Variants in EMILIN2 observed in about 807,000 individuals in gnomAD.
The protein encoded by EMILIN2 is EMILIN-2.
Under a neutral mutation model 87.1 loss-of-function variants are expected in EMILIN2, and 71 were observed. The observed-to-expected ratio is 0.82, with a 90% confidence interval of 0.67 to 0.99. The LOEUF is 0.99. Ranked by LOEUF, EMILIN2 falls within the 50% of genes least tolerant of loss-of-function variation. EMILIN2 has a pLI of 0.00. For synonymous variants in EMILIN2, 581 were observed against 563.4 expected, an observed-to-expected ratio of 1.03 and a Z score of -0.44; for missense variants, 1,407 against 1,371.8, an observed-to-expected ratio of 1.03 and a Z score of -0.40.
intron 4 of EMILIN2, among the ~76,000 whole-genome samples, chr18:2,903,229 G>A (rs892378516): frequency 6.6e-6 from 1 of 152,142 alleles, no homozygotes; most frequent in Non-Finnish European, 1.5e-5. Context: ...AGGCAGGCCA[G>A]CTTCTGAGCC....
intron 2 of EMILIN2, among the ~76,000 whole-genome samples, chr18:2,867,702 T>G (rs1032590212): frequency 1.3e-5 from 2 of 152,366 alleles, no homozygotes; most frequent in Middle Eastern, 3.4e-3. Flanking sequence ...CAAGGCAGAA[T>G]AACTTTTCTT....
intron 2 of EMILIN2, among the ~76,000 whole-genome samples, chr18:2,865,705 T>C (rs641622): frequency 0.7 from 106,728 of 152,066 alleles, 38,435 homozygotes; most frequent in African/African-American, 0.86. Context: ...TCTCCAGCTG[T>C]GTGCTGGGAG....
At position 2,906,991 on chromosome 18, in the gene EMILIN2, C is replaced by A. The variant is rs1411204078; in HGVS notation, c.2568C>A (p.Gly856=). The change falls in exon 5 of 8, where the codon GGC becomes GGA. Residue 856 remains glycine, a synonymous_variant. Coordinates refer to ENST00000254528, the MANE Select transcript of EMILIN2 (RefSeq NM_032048.3). ...AETGQAGPPA[G]AGVSGRGLPR... ...CGGGCCAGGCCGGGCCCCCCGCAGG[C>A]GCAGGCGTGTCTGGGCGGGGTCTGC... is the stretch of plus-strand genomic sequence containing the variant. 2 of 1,375,750 alleles carry A rather than the reference C, an allele frequency of 1.5e-6. No individual in the cohort carries two copies. Among genetic ancestry groups the A allele is most frequent in the Middle Eastern group, 2.7e-4 (1 of 3,734 alleles). The allele number at this position is 1,375,750 out of a possible 1,614,324, so 85.2% of individuals were successfully genotyped here. A position where few individuals can be genotyped will look rare whatever the true frequency, so the allele number is the denominator to read the frequency against.
At chr18:2,850,093 A>ATTTT (rs71366611) in intron 2 of EMILIN2, among the ~76,000 whole-genome samples, 2 of 122,538 alleles carry the variant, frequency 1.6e-5, no homozygotes, top group East Asian at 2.3e-4. Flanking sequence ...TGCCCAGCTA[A>ATTTT]TTTTTTTTTT....
chr18:2,862,240 C>G (rs585808), intron 2 of EMILIN2, among the ~76,000 whole-genome samples: 105,902 of 151,748 alleles, frequency 0.7, 37,905 homozygotes, highest in African/African-American at 0.85. Context: ...TCTCCTGCCT[C>G]ATTGCCCTGG....
At position 2,891,927 on chromosome 18, in the gene EMILIN2, C is replaced by T. The variant is rs1598499983; in HGVS notation, c.1800C>T (p.Thr600=). ...GGAAGTTTCAAGAAACCGAACAAAC[C>T]ATCCAGAAACTTCAACAGGATTTTA... The part of the protein sequence containing the change: ...MHRKFQETEQ[T]IQKLQQDFSF... The change falls in exon 4 of 8, where the codon ACC becomes ACT. Residue 600 remains threonine, a synonymous_variant. Transcript: ENST00000254528. The surrounding 1 kb of genome is among the most constrained non-coding windows in gnomAD (Gnocchi z 4.6). 6.2e-7 allele frequency: 1 copy of T among 1,614,212 alleles called. No homozygotes were observed. Among genetic ancestry groups the T allele is most frequent in the Non-Finnish European group, 8.5e-7 (1 of 1,180,042 alleles).
At chr18:2,856,522 C>G (rs2076628047) in intron 2 of EMILIN2, among the ~76,000 whole-genome samples, 1 of 152,192 alleles carries the variant, frequency 6.6e-6, no homozygotes, top group African/African-American at 2.4e-5. Context: ...AAAAAATCCT[C>G]TTCCTCGTGT....
Position 2,891,736 on chromosome 18 carries a change from A to G in EMILIN2, c.1609A>G (p.Met537Val). The G allele has an allele frequency of 6.2e-7, 1 of 1,614,168 alleles. No homozygotes were observed. Among genetic ancestry groups the G allele is most frequent in the South Asian group, 1.1e-5 (1 of 91,086 alleles). Residue 537 changes from methionine to valine, a missense_variant, in exon 4 of 8, where the codon ATG becomes GTG. Coordinates refer to ENST00000254528, the MANE Select transcript of EMILIN2 (RefSeq NM_032048.3). The surrounding 1 kb of genome is among the most constrained non-coding windows in gnomAD (Gnocchi z 4.6). ...VSGSGDERVM[M>V]ELNHLKDKVQ... ...AGGGTCAGGAGATGAACGGGTCATG[A>G]TGGAATTAAACCACCTGAAGGACAA...
Position 2,884,973 on chromosome 18 carries a change from G to A in EMILIN2, c.267G>A (p.Val89=). 2 of 1,599,410 alleles carry A rather than the reference G, an allele frequency of 1.3e-6. No individual in the cohort carries two copies. The highest frequency in any genetic ancestry group is 1.7e-6 in the Non-Finnish European group (2 of 1,172,364). ...TCCCTTCTGTCCACAGGTATCGAGT[G>A]AACTTCAGACCTAGATATGTCACTA... ...MPCPSALVYR[V]NFRPRYVTRY... The change falls in exon 3 of 8, where the codon GTG becomes GTA. Residue 89 remains valine (V), a synonymous_variant. Coordinates refer to ENST00000254528, the MANE Select transcript of EMILIN2 (RefSeq NM_032048.3).
intron 6 of EMILIN2, among the ~76,000 whole-genome samples, chr18:2,909,446 C>A (rs553004300): frequency 9.8e-5 from 15 of 152,362 alleles, no homozygotes; most frequent in African/African-American, 3.4e-4. Flanking sequence ...CTTACATGCC[C>A]AGCCTCACAC....
chr18:2,870,790 C>T (rs2076715496), intron 2 of EMILIN2, among the ~76,000 whole-genome samples: 1 of 152,214 alleles, frequency 6.6e-6, no homozygotes, highest in Non-Finnish European at 1.5e-5. Context: ...TAGATCAAGA[C>T]ATCAGCAGGG....
intron 2 of EMILIN2, among the ~76,000 whole-genome samples, chr18:2,853,741 T>G (rs1170304673): frequency 1.3e-5 from 2 of 152,160 alleles, no homozygotes; most frequent in Non-Finnish European, 2.9e-5. Flanking sequence ...GAGGTCTCAA[T>G]CCACAGCCGG....
chr18:2,907,078 CGCA>C lies in EMILIN2; in HGVS notation c.2656_2658del (p.Ala886del). The C allele has an allele frequency of 8.0e-7, 1 of 1,253,272 alleles. No individual in the cohort carries two copies. The highest frequency in any genetic ancestry group is 3.3e-5 in the South Asian group (1 of 30,490). 77.6% of individuals were successfully genotyped at this position (1,253,272 alleles called of 1,614,324 possible). ...TCCCCGGCGCAGAAGGCTTCGCGGG[CGCA>C]CCAGGTGAGGCCCGGGGCTGCGCGG... On this transcript the variant is annotated inframe_deletion, in exon 5 of 8. Transcript: ENST00000254528.
Position 2,913,180 on chromosome 18 carries a change from C to T in EMILIN2, c.2938C>T (p.Leu980=). 1 of 1,614,044 alleles carries T rather than the reference C, an allele frequency of 6.2e-7. No individual in the cohort carries two copies. Among genetic ancestry groups the T allele is most frequent in the Non-Finnish European group, 8.5e-7 (1 of 1,180,018 alleles). ...GGTCTCCAACGCCAGCGTGGCCCAG[C>T]TGCATACCGCTGGGTACAGGAGAGA... is the stretch of plus-strand genomic sequence containing the variant. ...LSVSNASVAQ[L]HTAGYRREFL... Residue 980 remains leucine, a synonymous_variant, in exon 8 of 8, where the codon CTG becomes TTG. Coordinates refer to ENST00000254528, the MANE Select transcript of EMILIN2 (RefSeq NM_032048.3).
At chr18:2,877,482 T>A (rs778890921) in intron 2 of EMILIN2, among the ~76,000 whole-genome samples, 16 of 151,592 alleles carry the variant, frequency 1.1e-4, no homozygotes, top group South Asian at 4.2e-4. Context: ...CATAAGTAGT[T>A]TCTAGAAAAT....
chr18:2,851,502 C>T (rs531360843), intron 2 of EMILIN2, among the ~76,000 whole-genome samples: 14 of 152,146 alleles, frequency 9.2e-5, no homozygotes, highest in Admixed American at 3.3e-4. Flanking sequence ...GAGAGTGCTC[C>T]GAGACTGAGG....
intron 2 of EMILIN2, among the ~76,000 whole-genome samples, chr18:2,850,245 G>A (rs1395051001): frequency 6.6e-6 from 1 of 151,784 alleles, no homozygotes; most frequent in Non-Finnish European, 1.5e-5. Context: ...TGGCCCCTAA[G>A]TTTTGAGAAT....
chr18:2,890,590 A>C lies in EMILIN2; in HGVS notation c.463A>C (p.Arg155=), dbSNP rs1344419131. ...TGAACCCAGCCAATTCTCAGAGCCC[A>C]GGAAGACTTTGTCCCCAACTGGTAC... ...DNEPSQFSEP[R]KTLSPTGTAQ... is the part of the protein sequence containing the mutation. Residue 155 remains arginine (R), a synonymous_variant, in exon 4 of 8, where the codon AGG becomes CGG. Transcript: ENST00000254528. The surrounding 1 kb of genome is among the most constrained non-coding windows in gnomAD (Gnocchi z 4.7). 1 of 1,589,468 alleles carries C rather than the reference A, an allele frequency of 6.3e-7. No homozygotes were observed. The highest frequency in any genetic ancestry group is 1.3e-5 in the African/African-American group (1 of 74,102).
intron 2 of EMILIN2, among the ~76,000 whole-genome samples, chr18:2,856,686 G>C (rs2076629293): frequency 6.6e-6 from 1 of 152,154 alleles, no homozygotes; most frequent in African/African-American, 2.4e-5. Flanking sequence ...CCACACAAAT[G>C]TTCTGATTTA....
Sources: gnomAD v4.1 joint callset for allele counts (sites outside exome capture counted in the v4.1 genomes callset) on GRCh38, gnomAD v4.1.1 for gene constraint, Gnocchi (gnomAD v3.1) non-coding constraint, MANE v1.5 for transcripts, NCBI Gene and HGNC (gene_info 2026-07-23, HGNC 2026-07-21) for gene names.